Variants in ANGPT4 observed in about 807,000 individuals in gnomAD.
ANGPT4 encodes the protein angiopoietin-4.
In ANGPT4, 50 loss-of-function variants were observed where a neutral mutation model predicts 53.0. The observed-to-expected ratio is 0.94, with a 90% confidence interval of 0.75 to 1.20. The LOEUF is 1.20. ANGPT4 is among the 50% of genes most tolerant of loss of function. The probability of loss-of-function intolerance (pLI) is 0.00; values close to 1 mark genes in which losing one functional copy is unlikely to be tolerated. For synonymous variants in ANGPT4, 251 were observed against 259.7 expected, an observed-to-expected ratio of 0.97 and a Z score of 0.32; for missense variants, 648 against 637.1, an observed-to-expected ratio of 1.02 and a Z score of -0.18.
In ANGPT4 at chr20:872,114, A is replaced by G. The variant is rs1980964915; in HGVS notation, c.*846T>C. On this transcript the variant is annotated 3_prime_UTR_variant, in exon 9 of 9. Coordinates refer to ENST00000381922, the MANE Select transcript of ANGPT4 (RefSeq NM_015985.4). ...CACTCTAGCCCCTTCATGGGTAGTCACAAGGCACTTGGCCATATTAAAGGC... is the reference window on the plus strand; with the variant it reads ...CACTCTAGCCCCTTCATGGGTAGTCGCAAGGCACTTGGCCATATTAAAGGC... 6.6e-6 allele frequency: 1 copy of G among 152,224 alleles called. No individual in the cohort carries two copies. The highest frequency in any genetic ancestry group is 1.5e-5 in the Non-Finnish European group (1 of 68,056). The allele number at this position is 152,224 out of a possible 1,614,324, so 9.4% of individuals were successfully genotyped here.
rs199722774 is a variant in ANGPT4, at chr20:888,300, G to T, written c.587+18C>A. 6 of 1,609,228 alleles carry T rather than the reference G, an allele frequency of 3.7e-6. No individual in the cohort carries two copies. The highest frequency in any genetic ancestry group is 1.7e-5 in the Admixed American group (1 of 59,750). ...GCCCCAGCCCCTGTCCTAGTCTGGT[G>T]CCAGGTGCCACACCCACCTGTTTTG... On this transcript the variant is annotated intron_variant, in intron 3 of 8. Transcript: ENST00000381922.
Position 914,151 on chromosome 20 carries a change from T to A in ANGPT4, c.309+1755A>T, listed in dbSNP as rs1982824176. ...GTACCTACTGTGTGTTCGGCACTAT[T>A]CTAGGCCCTGGGAACCCAGAAGTGA... On this transcript the variant is annotated intron_variant, in intron 1 of 8. Coordinates refer to ENST00000381922, the MANE Select transcript of ANGPT4 (RefSeq NM_015985.4). This position sits in a 1 kb window ranked among gnomAD's most constrained non-coding sequence, Gnocchi z 5.0. 6.6e-6 allele frequency among the ~76,000 whole-genome samples: 1 copy of A among 152,146 alleles called. No homozygotes were observed. Among genetic ancestry groups the A allele is most frequent in the Non-Finnish European group, 1.5e-5 (1 of 68,036 alleles).
At chr20:874,713 A>G (rs142583689) in intron 7 of ANGPT4, among the ~76,000 whole-genome samples, 1 of 152,282 alleles carries the variant, frequency 6.6e-6, no homozygotes, top group East Asian at 1.9e-4. Flanking sequence ...TGGCTAATAC[A>G]TATACATTTT....
At chr20:878,072 G>T in intron 7 of ANGPT4, 89 bp downstream of exon 7, 1 of 1,391,862 alleles carries the variant, frequency 7.2e-7, no homozygotes, top group Non-Finnish European at 9.7e-7. Flanking sequence ...GACCGTTGGA[G>T]CAGACTCTGT....
Position 908,128 on chromosome 20 carries a change from C to G in ANGPT4, c.309+7778G>C, listed in dbSNP as rs1264545314. 6.6e-6 allele frequency among the ~76,000 whole-genome samples: 1 copy of G among 152,152 alleles called. No individual in the cohort carries two copies. Among genetic ancestry groups the G allele is most frequent in the Non-Finnish European group, 1.5e-5 (1 of 68,032 alleles). ...TAGGGTCAGACAAAGATGGTGGAAG[C>G]TGGCTCAGAGGTCCACAGTCTATCA... On this transcript the variant is annotated intron_variant, in intron 1 of 8. Transcript: ENST00000381922. This position sits in a 1 kb window ranked among gnomAD's most constrained non-coding sequence, Gnocchi z 4.9.
chr20:905,395 T>G (rs1480731518), intron 1 of ANGPT4, among the ~76,000 whole-genome samples: 1 of 151,906 alleles, frequency 6.6e-6, no homozygotes, highest in Non-Finnish European at 1.5e-5. Flanking sequence ...GTCAGTTTTG[T>G]GTAAGGGGCA....
intron 1 of ANGPT4, among the ~76,000 whole-genome samples, chr20:903,215 C>A (rs989468324): frequency 6.6e-6 from 1 of 152,180 alleles, no homozygotes; most frequent in Non-Finnish European, 1.5e-5. Flanking sequence ...GTTCCAGAAC[C>A]AGACCCAAAG....
intron 6 of ANGPT4, 151 bp from the exon 7 acceptor site, chr20:878,478 G>A: frequency 1.5e-6 from 1 of 648,288 alleles, no homozygotes; most frequent in Non-Finnish European, 2.4e-6. Flanking sequence ...GGCAGGACTG[G>A]GAGTAGGAGC....
intron 7 of ANGPT4, among the ~76,000 whole-genome samples, chr20:877,750 G>T (rs1177179037): frequency 6.6e-6 from 1 of 152,182 alleles, no homozygotes; most frequent in Non-Finnish European, 1.5e-5. Context: ...AGTTCCCAAA[G>T]CAAGCTGGAG....
Position 907,440 on chromosome 20 carries a change from C to T in ANGPT4, c.309+8466G>A, listed in dbSNP as rs370964221. On this transcript the variant is annotated intron_variant, in intron 1 of 8. Transcript: ENST00000381922. The stretch of plus-strand genomic sequence containing the variant: ...CAGGCTCAGGTATGCCTTTGGTGGT[C>T]GTCTATATTTCAACCTTGATCTTGG... 6.6e-5 allele frequency among the ~76,000 whole-genome samples: 10 copies of T among 152,242 alleles called. No homozygotes were observed. The South Asian group carries it at 1.7e-3, about 25-fold the overall frequency.
At chr20:900,185 C>A (rs1248890723) in intron 1 of ANGPT4, among the ~76,000 whole-genome samples, 1 of 152,172 alleles carries the variant, frequency 6.6e-6, no homozygotes, top group East Asian at 1.9e-4. Context: ...GGCTACCTTC[C>A]CCTTGCTCTT....
At chr20:899,322 AC>A (rs1282719779) in intron 1 of ANGPT4, among the ~76,000 whole-genome samples, 4 of 150,812 alleles carry the variant, frequency 2.7e-5, no homozygotes, top group South Asian at 4.2e-4. Context: ...ATCTCGGCTC[AC>A]TGCAAGCTCC....
At chr20:892,713 C>A (rs1981895239) in intron 1 of ANGPT4, among the ~76,000 whole-genome samples, 1 of 152,108 alleles carries the variant, frequency 6.6e-6, no homozygotes, top group South Asian at 2.1e-4. Context: ...CTCACTGTTG[C>A]CCAGGCTGGA....
intron 1 of ANGPT4, among the ~76,000 whole-genome samples, chr20:890,613 T>G (rs557416054): frequency 3.9e-5 from 6 of 152,158 alleles, no homozygotes; most frequent in African/African-American, 1.4e-4. Flanking sequence ...GCACAGTCCA[T>G]CCCCCACTAG....
intron 1 of ANGPT4, among the ~76,000 whole-genome samples, chr20:898,007 G>A (rs1305789100): frequency 6.6e-6 from 1 of 152,176 alleles, no homozygotes; most frequent in Non-Finnish European, 1.5e-5. Context: ...ATGGTCTGAG[G>A]TGCCTGATGT....
rs201487067 is a variant in ANGPT4 at position 916,223 on chromosome 20, G to A, written c.-9C>T. 51 of 1,609,136 alleles carry A rather than the reference G, an allele frequency of 3.2e-5. No homozygotes were observed. The Middle Eastern group carries it at 6.6e-4, about 21-fold the overall frequency. On this transcript the variant is annotated 5_prime_UTR_variant, in exon 1 of 9. Coordinates refer to ENST00000381922, the MANE Select transcript of ANGPT4 (RefSeq NM_015985.4). The stretch of plus-strand genomic sequence containing the variant: ...GCTAGCTGGGAGAGCATCTGAAGAT[G>A]TGTCAATGGCGAGGGATGTCTGCTC...
intron 1 of ANGPT4, among the ~76,000 whole-genome samples, chr20:897,081 C>T (rs1445625130): frequency 6.6e-6 from 1 of 152,214 alleles, no homozygotes; most frequent in African/African-American, 2.4e-5. Context: ...GAACAACCCC[C>T]TTTAACTGTA....
At chr20:901,790 C>T (rs1432901567) in intron 1 of ANGPT4, among the ~76,000 whole-genome samples, 3 of 152,190 alleles carry the variant, frequency 2.0e-5, no homozygotes, top group Non-Finnish European at 4.4e-5. Flanking sequence ...TGGTGCATGC[C>T]TCTAGTCTCA....
rs543744122 is a variant in ANGPT4 at position 879,305 on chromosome 20, C to T, written c.1053+442G>A. Among the ~76,000 whole-genome samples, 8 of 152,156 alleles carry T rather than the reference C, an allele frequency of 5.3e-5. No homozygotes were observed. The South Asian group carries it at 6.2e-4, about 12-fold the overall frequency. ...CCTAATTAAAAAATTGGAAAACAAT[C>T]GGGCTTCTCATCTGATAAAATACAT... On this transcript the variant is annotated intron_variant, in intron 6 of 8. Transcript: ENST00000381922.
Sources: allele counts gnomAD v4.1 joint callset (sites outside exome capture counted in the v4.1 genomes callset), GRCh38; gene constraint gnomAD v4.1.1; non-coding constraint Gnocchi (gnomAD v3.1); transcripts MANE v1.5; gene names NCBI Gene and HGNC (gene_info 2026-07-23, HGNC 2026-07-21).